The following SLC35D2 variants were observed in gnomAD, a reference collection of about 807,000 sequenced individuals.
SLC35D2 encodes solute carrier family 35 member D2, also known as nucleotide sugar transporter SLC35D2.
Under a neutral mutation model 41.8 loss-of-function variants are expected in SLC35D2, and 43 were observed. That is an observed-to-expected ratio of 1.03 (90% CI 0.81 to 1.33). The LOEUF is 1.33. SLC35D2 is among the 40% of genes most tolerant of loss of function. The pLI, the probability that SLC35D2 is intolerant of heterozygous loss-of-function variation, is 0.00. For missense variants in SLC35D2, 380 were observed against 408.4 expected, an observed-to-expected ratio of 0.93 and a Z score of 0.60; for synonymous variants, 150 against 163.9, an observed-to-expected ratio of 0.92 and a Z score of 0.65.
chr9:96,335,221 T>C (rs1344222468), intron 9 of SLC35D2, among the ~76,000 whole-genome samples: 1 of 152,188 alleles, frequency 6.6e-6, no homozygotes, highest in Non-Finnish European at 1.5e-5. Context: ...TGGGAGAAGG[T>C]ACCAATGCCT....
At chr9:96,356,382 C>CTTTTTT (rs199569097) in intron 4 of SLC35D2, among the ~76,000 whole-genome samples, 4 of 101,432 alleles carry the variant, frequency 3.9e-5, no homozygotes, top group East Asian at 3.0e-4. Context: ...TTTATTTATT[C>CTTTTTT]TTTTTTTTTT....
intron 8 of SLC35D2, among the ~76,000 whole-genome samples, chr9:96,342,272 G>A (rs1418521818): frequency 6.6e-6 from 1 of 151,878 alleles, no homozygotes; most frequent in African/African-American, 2.4e-5. Flanking sequence ...CACCATGCCT[G>A]GCTTATTTTT....
Position 96,344,036 on chromosome 9 carries a change from A to G in SLC35D2, c.592-40T>C, listed in dbSNP as rs760590162. 16 of 1,319,748 alleles carry G rather than the reference A, an allele frequency of 1.2e-5. No homozygotes were observed. In the East Asian group the frequency reaches 3.4e-4, roughly 28 times the overall value. The allele number at this position is 1,319,748 out of a possible 1,614,324, so 81.8% of individuals were successfully genotyped here. A position where few individuals can be genotyped will look rare whatever the true frequency, so the allele number is the denominator to read the frequency against. On this transcript the variant is annotated intron_variant, in intron 7 of 11. Coordinates refer to ENST00000253270, the MANE Select transcript of SLC35D2 (RefSeq NM_007001.3). ...ATGTAAAAACCACTCAGTTTCAGAA[A>G]CGTGAGGCACAGATTTCCTGGAGCC...
chr9:96,379,051 C>A (rs1463920738), intron 1 of SLC35D2, among the ~76,000 whole-genome samples: 1 of 151,920 alleles, frequency 6.6e-6, no homozygotes, highest in Non-Finnish European at 1.5e-5. Context: ...TAATCCCAGC[C>A]CTTCAAGGGG....
chr9:96,334,944 A>G (rs548098728), intron 9 of SLC35D2, among the ~76,000 whole-genome samples: 2 of 152,382 alleles, frequency 1.3e-5, no homozygotes, highest in South Asian at 4.1e-4. Flanking sequence ...AACTCCATCA[A>G]CATTAAATCA....
intron 8 of SLC35D2, among the ~76,000 whole-genome samples, chr9:96,338,634 A>T (rs1829165460): frequency 6.6e-6 from 1 of 151,984 alleles, no homozygotes; most frequent in African/African-American, 2.4e-5. Flanking sequence ...GGAGTTTGTC[A>T]TGTCACTCCG....
At chr9:96,327,278 G>A (rs959528186) in intron 9 of SLC35D2, among the ~76,000 whole-genome samples, 3 of 152,176 alleles carry the variant, frequency 2.0e-5, no homozygotes, top group African/African-American at 7.2e-5. Context: ...CTCTTGACAA[G>A]ATCTGGCTAT....
At chr9:96,370,465 T>A (rs1421720621) in intron 1 of SLC35D2, among the ~76,000 whole-genome samples, 1 of 152,134 alleles carries the variant, frequency 6.6e-6, no homozygotes, top group Non-Finnish European at 1.5e-5. Context: ...GAGGCCAGCC[T>A]GGCCAACATG....
downstream of SLC35D2, among the ~76,000 whole-genome samples, chr9:96,319,057 T>G (rs187033800): frequency 1.4e-4 from 22 of 152,258 alleles, no homozygotes; most frequent in Admixed American, 7.8e-4. Flanking sequence ...TGAAGACATA[T>G]TTGAACACCC....
intron 1 of SLC35D2, among the ~76,000 whole-genome samples, chr9:96,370,464 C>T (rs759159393): frequency 5.6e-4 from 85 of 152,258 alleles, no homozygotes; most frequent in Non-Finnish European, 1.2e-3. Context: ...CGAGGCCAGC[C>T]TGGCCAACAT....
chr9:96,355,582 C>T (rs892252030), intron 4 of SLC35D2, among the ~76,000 whole-genome samples: 5 of 152,094 alleles, frequency 3.3e-5, no homozygotes, highest in Admixed American at 2.6e-4. Flanking sequence ...CTGCAACTTC[C>T]ACCTCTTGGG....
chr9:96,380,452 T>C (rs1328068377), intron 1 of SLC35D2, among the ~76,000 whole-genome samples: 1 of 151,578 alleles, frequency 6.6e-6, no homozygotes, highest in Non-Finnish European at 1.5e-5. Flanking sequence ...TTTCATTTTC[T>C]GGTATTTTTT....
intron 1 of SLC35D2, among the ~76,000 whole-genome samples, chr9:96,382,313 G>A (rs976740971): frequency 2.0e-5 from 3 of 151,830 alleles, no homozygotes; most frequent in Admixed American, 1.3e-4. Flanking sequence ...AAAATTGCCG[G>A]TGCAGTGGTG....
intron 7 of SLC35D2, among the ~76,000 whole-genome samples, chr9:96,344,402 T>C (rs1829472334): frequency 6.6e-6 from 1 of 150,716 alleles, no homozygotes; most frequent in Admixed American, 6.6e-5. Flanking sequence ...CAGCATCATA[T>C]ATTTACTTTC....
At chr9:96,379,319 A>T (rs1342861175) in intron 1 of SLC35D2, among the ~76,000 whole-genome samples, 1 of 151,964 alleles carries the variant, frequency 6.6e-6, no homozygotes, top group Admixed American at 6.6e-5. Context: ...AAAAAAAAAA[A>T]AATAAGACAT....
chr9:96,323,992 CA>C, intron 10 of SLC35D2, 98 bp downstream of exon 10: 1 of 1,011,044 alleles, frequency 9.9e-7, no homozygotes, highest in Non-Finnish European at 1.5e-6. Context: ...CTCGTTCTTA[CA>C]CCACCACCAA....
intron 1 of SLC35D2, among the ~76,000 whole-genome samples, chr9:96,383,274 G>A (rs972227559): frequency 6.6e-6 from 1 of 152,188 alleles, no homozygotes; most frequent in African/African-American, 2.4e-5. Context: ...CGCTCAGGAA[G>A]AGAACGACTT....
chr9:96,342,009 CAAAACAAAACA>C (rs1159343825), intron 8 of SLC35D2, among the ~76,000 whole-genome samples: 1 of 149,340 alleles, frequency 6.7e-6, no homozygotes, highest in Non-Finnish European at 1.5e-5. Flanking sequence ...TTTAAAAAAA[CAAAACAAAACA>C]AAAACAAAAA....
At chr9:96,330,937 A>T (rs1490810026) in intron 9 of SLC35D2, among the ~76,000 whole-genome samples, 1 of 151,932 alleles carries the variant, frequency 6.6e-6, no homozygotes, top group East Asian at 1.9e-4. Context: ...TATTTTTGTC[A>T]CCCAGGCTAG....
Sources: allele counts gnomAD v4.1 joint callset (sites outside exome capture counted in the v4.1 genomes callset), GRCh38; gene constraint gnomAD v4.1.1; transcripts MANE v1.5; gene names NCBI Gene and HGNC (gene_info 2026-07-23, HGNC 2026-07-21).